Variants in ELMO1 observed in about 807,000 individuals in gnomAD.
ELMO1 encodes the protein engulfment and cell motility protein 1.
ELMO1 carries 26 observed loss-of-function variants against 98.9 expected under a neutral mutation model. The observed-to-expected ratio is 0.26, with a 90% CI of 0.19 to 0.36. The LOEUF (loss-of-function observed/expected upper bound fraction) is 0.36. Among genes scored for constraint, ELMO1 ranks in the 10% least tolerant of loss-of-function variants. ELMO1 has a pLI of 1.00. For synonymous variants in ELMO1, 346 were observed against 346.0 expected, an observed-to-expected ratio of 1.00 and a Z score of 0.00; for missense variants, 627 against 935.2, an observed-to-expected ratio of 0.67 and a Z score of 4.30.
chr7:37,376,327 T>C (rs1802343420), intron 1 of ELMO1, among the ~76,000 whole-genome samples: 1 of 152,188 alleles, frequency 6.6e-6, no homozygotes, highest in Non-Finnish European at 1.5e-5. Context: ...CAAAGCTAAC[T>C]ATGGGAGGGG....
At chr7:37,161,905 AATATATATATATATAT>A (rs6150082) in intron 13 of ELMO1, among the ~76,000 whole-genome samples, 4,848 of 42,522 alleles carry the variant, frequency 0.11, 756 homozygotes, top group East Asian at 0.36. Context: ...CAGGTAATCA[AATATATATATATATAT>A]ATATATATAT....
At chr7:37,115,803 T>C (rs1232444677) in intron 14 of ELMO1, among the ~76,000 whole-genome samples, 3 of 151,850 alleles carry the variant, frequency 2.0e-5, no homozygotes, top group African/African-American at 7.3e-5. Flanking sequence ...CAAAACTGTC[T>C]TTGTTCACAG....
chr7:36,872,589 C>T (rs966891505), intron 19 of ELMO1, among the ~76,000 whole-genome samples: 1 of 152,184 alleles, frequency 6.6e-6, no homozygotes, highest in Non-Finnish European at 1.5e-5. Flanking sequence ...CCTATGATTC[C>T]TGAACCTACC....
chr7:36,875,560 G>A (rs149735719), intron 19 of ELMO1, among the ~76,000 whole-genome samples: 81 of 152,336 alleles, frequency 5.3e-4, no homozygotes, highest in African/African-American at 1.7e-3. Context: ...TGGAGGCATG[G>A]TCAGGAGGGG....
intron 4 of ELMO1, among the ~76,000 whole-genome samples, chr7:37,291,758 T>C (rs1186701241): frequency 2.6e-5 from 4 of 152,022 alleles, no homozygotes; most frequent in African/African-American, 9.7e-5. Context: ...CTACTAAAAA[T>C]ACAAAAATTA....
chr7:37,245,180 G>C (rs890573350), intron 6 of ELMO1, among the ~76,000 whole-genome samples: 7 of 152,074 alleles, frequency 4.6e-5, no homozygotes, highest in Admixed American at 4.6e-4. Flanking sequence ...GGTCCTCTAG[G>C]AAGTCTCTCT....
chr7:37,217,859 C>T (rs1422627404), intron 10 of ELMO1: 1 of 451,246 alleles, frequency 2.2e-6, no homozygotes, highest in Non-Finnish European at 4.5e-6. Flanking sequence ...ATTTGAACGC[C>T]CCTGCTGACC....
chr7:37,016,602 A>G (rs1793949086), intron 15 of ELMO1, among the ~76,000 whole-genome samples: 1 of 152,162 alleles, frequency 6.6e-6, no homozygotes, highest in Admixed American at 6.6e-5. Flanking sequence ...CATGACCTGC[A>G]GTCCAATGTG....
intron 4 of ELMO1, among the ~76,000 whole-genome samples, chr7:37,287,512 T>C (rs901938611): frequency 3.9e-5 from 6 of 152,218 alleles, no homozygotes; most frequent in Non-Finnish European, 2.9e-5. Flanking sequence ...AAATGATATT[T>C]AGAGATAACT....
At chr7:37,103,114 G>A (rs1406114506) in intron 14 of ELMO1, among the ~76,000 whole-genome samples, 4 of 152,194 alleles carry the variant, frequency 2.6e-5, no homozygotes, top group Non-Finnish European at 5.9e-5. Context: ...CTTAGTGCCT[G>A]AAACACCTCA....
chr7:37,084,491 G>A (rs1383775812), intron 15 of ELMO1, among the ~76,000 whole-genome samples: 1 of 152,198 alleles, frequency 6.6e-6, no homozygotes, highest in Non-Finnish European at 1.5e-5. Context: ...TATTTACAAA[G>A]AAAGTGAAAG....
At chr7:36,935,259 T>A (rs1882084) in intron 16 of ELMO1, among the ~76,000 whole-genome samples, 1 of 152,216 alleles carries the variant, frequency 6.6e-6, no homozygotes, top group Non-Finnish European at 1.5e-5. Flanking sequence ...CTGTGTGAGA[T>A]GTGCCTTTCA....
chr7:37,427,424 A>T lies in ELMO1; in HGVS notation c.-74+21251T>A, dbSNP rs144789252. Among the ~76,000 whole-genome samples, 225 of 152,382 alleles carry T rather than the reference A, an allele frequency of 1.5e-3. 1 individual carries two copies. Among genetic ancestry groups the T allele is most frequent in the African/African-American group, 5.3e-3 (220 of 41,594 alleles). ...GAATCCTGTCACCTCAGTCTGGGTC[A>T]GCAGTGACCAACACTGCAACGTGTC... On this transcript the variant is annotated intron_variant, in intron 1 of 21. Transcript: ENST00000310758.
chr7:37,397,522 T>C (rs891664665), intron 1 of ELMO1, among the ~76,000 whole-genome samples: 2 of 152,174 alleles, frequency 1.3e-5, no homozygotes, highest in Non-Finnish European at 2.9e-5. Flanking sequence ...CTCAGATCTA[T>C]TTGTCTGTGA....
intron 16 of ELMO1, among the ~76,000 whole-genome samples, chr7:36,931,242 G>T (rs1032498384): frequency 3.3e-5 from 5 of 152,214 alleles, no homozygotes; most frequent in African/African-American, 1.2e-4. Flanking sequence ...AGACGTAATG[G>T]ATGCTACTGG....
chr7:37,389,811 C>T (rs373925998), intron 1 of ELMO1, among the ~76,000 whole-genome samples: 4 of 151,754 alleles, frequency 2.6e-5, no homozygotes, highest in East Asian at 1.9e-4. Flanking sequence ...GAATGAAGCA[C>T]GGGCATCCCC....
chr7:37,322,334 G>T (rs1005132316), intron 2 of ELMO1, among the ~76,000 whole-genome samples: 9 of 152,164 alleles, frequency 5.9e-5, no homozygotes, highest in African/African-American at 2.2e-4. Context: ...AAAAATTAAA[G>T]GCTGGATGTG....
At chr7:37,092,818 C>G (rs77910904) in intron 15 of ELMO1, among the ~76,000 whole-genome samples, 2,564 of 152,192 alleles carry the variant, frequency 0.017, 93 homozygotes, top group African/African-American at 0.059. Flanking sequence ...TCAAGGCATA[C>G]AGCCAGTGAC....
At position 37,020,923 on chromosome 7, in the gene ELMO1, G is replaced by A. The variant is rs1179984292; in HGVS notation, c.1301-7488C>T. Among the ~76,000 whole-genome samples, 6 of 152,282 alleles carry A rather than the reference G, an allele frequency of 3.9e-5. No individual in the cohort carries two copies. The East Asian group carries it at 1.2e-3, about 29-fold the overall frequency. On this transcript the variant is annotated intron_variant, in intron 15 of 21. Transcript: ENST00000310758. ...GAGCAGTCATTAAAATCTGCCTGGTGATCCACAGCACAGAAACTTACATTA... is the reference window on the plus strand; with the variant it reads ...GAGCAGTCATTAAAATCTGCCTGGTAATCCACAGCACAGAAACTTACATTA...
Sources: allele counts gnomAD v4.1 joint callset (sites outside exome capture counted in the v4.1 genomes callset), GRCh38; gene constraint gnomAD v4.1.1; transcripts MANE v1.5; gene names NCBI Gene and HGNC (gene_info 2026-07-23, HGNC 2026-07-21).